Variants in CPNE8 observed in about 807,000 individuals in gnomAD.
The protein encoded by CPNE8 is copine-8.
A neutral mutation model predicts 81.5 loss-of-function variants in CPNE8; 45 were observed. The ratio of observed to expected loss-of-function variants is 0.55; its 90% confidence interval spans 0.44 to 0.71. CPNE8 has a LOEUF of 0.71. Among genes scored for constraint, CPNE8 ranks in the 30% least tolerant of loss-of-function variants. CPNE8 has a pLI of 0.00. For missense variants in CPNE8, 594 were observed against 672.1 expected, an observed-to-expected ratio of 0.88 and a Z score of 1.28; for synonymous variants, 252 against 226.3, an observed-to-expected ratio of 1.11 and a Z score of -1.02.
At chr12:38,771,017 G>C (rs944195591) in intron 7 of CPNE8, among the ~76,000 whole-genome samples, 1 of 152,258 alleles carries the variant, frequency 6.6e-6, no homozygotes, top group East Asian at 1.9e-4. Context: ...GGGGGTTGTG[G>C]TGTTGTGTTT....
rs1426919875 is a variant in CPNE8 at position 38,798,066 on chromosome 12, C to T, written c.408-21765G>A. On this transcript the variant is annotated intron_variant, in intron 6 of 19. Transcript: ENST00000331366. ...GGACTATGTGAAAAGACCAAATCTA[C>T]GTCTCATTGGTGTACCTGAAAGTGA... 1.3e-4 allele frequency among the ~76,000 whole-genome samples: 20 copies of T among 152,276 alleles called. No homozygotes were observed. The East Asian group carries it at 1.3e-3, about 10-fold the overall frequency.
intron 3 of CPNE8, among the ~76,000 whole-genome samples, chr12:38,854,960 C>CT (rs1943706993): frequency 6.6e-6 from 1 of 151,972 alleles, no homozygotes; most frequent in Non-Finnish European, 1.5e-5. Context: ...AGAAGTGAAA[C>CT]TGTTTCTATT....
intron 1 of CPNE8, among the ~76,000 whole-genome samples, chr12:38,877,737 A>G (rs1377711663): frequency 6.6e-6 from 1 of 152,190 alleles, no homozygotes; most frequent in Admixed American, 6.5e-5. Flanking sequence ...CTGAAATAGC[A>G]TAACTAAAGC....
chr12:38,786,452 C>G (rs1274691985), intron 6 of CPNE8, among the ~76,000 whole-genome samples: 1 of 152,126 alleles, frequency 6.6e-6, no homozygotes, highest in Non-Finnish European at 1.5e-5. Context: ...AACCTCCCAG[C>G]CTACATCTTT....
intron 5 of CPNE8, among the ~76,000 whole-genome samples, chr12:38,835,687 T>A (rs1280324427): frequency 1.3e-5 from 2 of 152,216 alleles, no homozygotes; most frequent in African/African-American, 4.8e-5. Flanking sequence ...CACTTAAAAA[T>A]CTGTTTCTAT....
chr12:38,740,381 CTG>C (rs1941068094), intron 10 of CPNE8, among the ~76,000 whole-genome samples: 1 of 152,052 alleles, frequency 6.6e-6, no homozygotes. Context: ...TAATTGAATA[CTG>C]TTTCTTTCTC....
At chr12:38,722,691 A>C (rs1940595147) in intron 13 of CPNE8, among the ~76,000 whole-genome samples, 1 of 152,220 alleles carries the variant, frequency 6.6e-6, no homozygotes, top group Non-Finnish European at 1.5e-5. Flanking sequence ...AGGAAAATAG[A>C]ATGTGTAGAC....
chr12:38,892,170 A>T (rs1195018908), intron 1 of CPNE8, among the ~76,000 whole-genome samples: 2 of 152,226 alleles, frequency 1.3e-5, no homozygotes, highest in Non-Finnish European at 2.9e-5. Context: ...AGGGTGGAGA[A>T]AGGGAAGACA....
At chr12:38,820,506 C>T (rs1943095839) in intron 6 of CPNE8, among the ~76,000 whole-genome samples, 1 of 151,888 alleles carries the variant, frequency 6.6e-6, no homozygotes, top group South Asian at 2.1e-4. Flanking sequence ...CCAAATAAAA[C>T]TAATAAACAA....
chr12:38,789,427 C>A (rs1310707564), intron 6 of CPNE8, among the ~76,000 whole-genome samples: 1 of 151,864 alleles, frequency 6.6e-6, no homozygotes, highest in Non-Finnish European at 1.5e-5. Context: ...AGACCCCTAT[C>A]TTTTGCTATA....
chr12:38,810,696 C>A (rs1000358422), intron 6 of CPNE8, among the ~76,000 whole-genome samples: 2 of 152,092 alleles, frequency 1.3e-5, no homozygotes, highest in African/African-American at 4.8e-5. Context: ...TTCTGTACAT[C>A]AAAATTTCAG....
chr12:38,802,721 G>A (rs1188062029), intron 6 of CPNE8, among the ~76,000 whole-genome samples: 2 of 151,542 alleles, frequency 1.3e-5, no homozygotes, highest in Admixed American at 6.6e-5. Flanking sequence ...TCCAGGAGCT[G>A]GTTTTTTGAA....
At chr12:38,845,322 C>T (rs564400587) in intron 4 of CPNE8, among the ~76,000 whole-genome samples, 180 of 152,200 alleles carry the variant, frequency 1.2e-3, no homozygotes, top group Non-Finnish European at 2.0e-3. Context: ...CATTCTGGTA[C>T]GTGTGTGTAC....
At chr12:38,839,459 C>T (rs1439603977) in intron 5 of CPNE8, among the ~76,000 whole-genome samples, 1 of 151,934 alleles carries the variant, frequency 6.6e-6, no homozygotes, top group Non-Finnish European at 1.5e-5. Flanking sequence ...ATATTATGCC[C>T]TCTGAAACTA....
chr12:38,870,149 G>C (rs540003855), intron 3 of CPNE8, among the ~76,000 whole-genome samples: 1 of 152,362 alleles, frequency 6.6e-6, no homozygotes, highest in East Asian at 1.9e-4. Flanking sequence ...AGATGCTAGA[G>C]AGGATGTGGA....
intron 1 of CPNE8, among the ~76,000 whole-genome samples, chr12:38,895,084 G>C (rs1258938007): frequency 6.6e-6 from 1 of 152,000 alleles, no homozygotes; most frequent in Non-Finnish European, 1.5e-5. Context: ...TGTGTCACTT[G>C]TTACTTATTT....
intron 1 of CPNE8, among the ~76,000 whole-genome samples, chr12:38,877,409 C>G (rs894987731): frequency 1.3e-5 from 2 of 151,966 alleles, no homozygotes; most frequent in Non-Finnish European, 2.9e-5. Context: ...GGCTACTCTT[C>G]CCTCCATGGA....
chr12:38,889,867 G>C (rs1271477513), intron 1 of CPNE8, among the ~76,000 whole-genome samples: 1 of 152,166 alleles, frequency 6.6e-6, no homozygotes, highest in Non-Finnish European at 1.5e-5. Context: ...GTTTTACTGG[G>C]GTATTGGGGG....
At chr12:38,725,976 T>C (rs1485242141) in intron 11 of CPNE8, among the ~76,000 whole-genome samples, 4 of 152,134 alleles carry the variant, frequency 2.6e-5, no homozygotes, top group South Asian at 2.1e-4. Context: ...TTCGGGATGA[T>C]ACTGTTCTAC....
Sources: allele counts gnomAD v4.1 joint callset (sites outside exome capture counted in the v4.1 genomes callset), GRCh38; gene constraint gnomAD v4.1.1; transcripts MANE v1.5; gene names NCBI Gene and HGNC (gene_info 2026-07-23, HGNC 2026-07-21).